The following PRKACB variants were observed in gnomAD, a reference collection of about 807,000 sequenced individuals.
The protein encoded by PRKACB is cAMP-dependent protein kinase catalytic subunit beta.
A neutral mutation model predicts 51.4 loss-of-function variants in PRKACB; 16 were observed. That is an observed-to-expected ratio of 0.31 (90% confidence interval 0.21 to 0.47). The LOEUF (loss-of-function observed/expected upper bound fraction) is 0.47. Ranked by LOEUF, PRKACB falls within the 20% of genes least tolerant of loss-of-function variation. The pLI is 1.00. For synonymous variants in PRKACB, 147 were observed against 154.4 expected (o/e 0.95, Z 0.35); for missense variants, 309 against 464.5 (o/e 0.67, Z 3.08).
At chr1:84,214,917 A>G (rs1672678435) in intron 9 of PRKACB, among the ~76,000 whole-genome samples, 1 of 152,238 alleles carries the variant, frequency 6.6e-6, no homozygotes, top group South Asian at 2.1e-4. Flanking sequence ...TATATATTAG[A>G]CAATGTCCTA....
chr1:84,216,639 A>G (rs1672926035), intron 9 of PRKACB, among the ~76,000 whole-genome samples: 1 of 152,240 alleles, frequency 6.6e-6, no homozygotes, highest in African/African-American at 2.4e-5. Flanking sequence ...GCAATACTGT[A>G]TAATTAATAA....
chr1:84,172,637 A>AAT (rs778923374), intron 1 of PRKACB, among the ~76,000 whole-genome samples: 6 of 151,722 alleles, frequency 4.0e-5, no homozygotes, highest in Non-Finnish European at 5.9e-5. Context: ...TGATTATTTA[A>AAT]ATATATGTCT....
At chr1:84,086,077 G>C (rs899902258) in intron 1 of PRKACB, 2 of 1,233,020 alleles carry the variant, frequency 1.6e-6, no homozygotes, top group East Asian at 4.7e-5. Flanking sequence ...TGATGGCCAA[G>C]GTGTATATTG....
At chr1:84,165,293 A>G (rs1389930829) in intron 1 of PRKACB, among the ~76,000 whole-genome samples, 1 of 151,950 alleles carries the variant, frequency 6.6e-6, no homozygotes, top group East Asian at 1.9e-4. Context: ...TAATTGTGTT[A>G]TAAATTAGTA....
intron 5 of PRKACB, among the ~76,000 whole-genome samples, chr1:84,195,434 C>T (rs948058187): frequency 1.7e-4 from 26 of 152,236 alleles, no homozygotes; most frequent in African/African-American, 6.3e-4. Flanking sequence ...GAGGGAAATC[C>T]TATTCATAGT....
At chr1:84,089,380 A>G (rs946258549) in intron 1 of PRKACB, among the ~76,000 whole-genome samples, 6 of 152,108 alleles carry the variant, frequency 3.9e-5, no homozygotes, top group African/African-American at 1.2e-4. Context: ...ATTATATCAC[A>G]GTTGGTATGG....
intron 2 of PRKACB, among the ~76,000 whole-genome samples, chr1:84,181,036 A>G (rs904673548): frequency 6.6e-6 from 1 of 152,078 alleles, no homozygotes; most frequent in Non-Finnish European, 1.5e-5. Context: ...AAAAAATCTT[A>G]TGACTACTTA....
At chr1:84,101,149 G>T (rs1163310631) in intron 1 of PRKACB, among the ~76,000 whole-genome samples, 1 of 152,154 alleles carries the variant, frequency 6.6e-6, no homozygotes, top group African/African-American at 2.4e-5. Context: ...GTGGTGGCTG[G>T]CTAGGTAAGT....
At chr1:84,151,417 G>C (rs1654848536) in intron 1 of PRKACB, among the ~76,000 whole-genome samples, 2 of 152,148 alleles carry the variant, frequency 1.3e-5, no homozygotes, top group Non-Finnish European at 2.9e-5. Context: ...GCTGAAGGTT[G>C]GGATGGCAGT....
chr1:84,185,833 G>A (rs1664925538), intron 5 of PRKACB, among the ~76,000 whole-genome samples: 1 of 151,968 alleles, frequency 6.6e-6, no homozygotes, highest in Non-Finnish European at 1.5e-5. Context: ...ATAAAAAACA[G>A]GTACAGCTTC....
chr1:84,117,241 A>G (rs1650707115), intron 1 of PRKACB, among the ~76,000 whole-genome samples: 1 of 152,030 alleles, frequency 6.6e-6, no homozygotes, highest in African/African-American at 2.4e-5. Flanking sequence ...GTGTCTGTTC[A>G]GCAGGGATGT....
chr1:84,214,040 A>G, intron 8 of PRKACB, 113 bp from the exon 9 acceptor site: 1 of 1,108,308 alleles, frequency 9.0e-7, no homozygotes, highest in Non-Finnish European at 1.2e-6. Context: ...TCATCGCTCC[A>G]TATTTTTGTT....
chr1:84,106,814 A>G (rs1434510279), intron 1 of PRKACB, among the ~76,000 whole-genome samples: 1 of 152,242 alleles, frequency 6.6e-6, no homozygotes, highest in African/African-American at 2.4e-5. Context: ...CTAAGCAAAA[A>G]GAACAAAGCT....
chr1:84,103,236 T>G (rs1383173877), intron 1 of PRKACB, among the ~76,000 whole-genome samples: 1 of 152,174 alleles, frequency 6.6e-6, no homozygotes, highest in Non-Finnish European at 1.5e-5. Flanking sequence ...TTCATTCCAC[T>G]GAATCTGGGC....
rs2100600271 is a variant in PRKACB at position 84,144,616 on chromosome 1, A to G, written c.187+68A>G. The G allele has an allele frequency of 4.9e-6, 7 of 1,424,332 alleles. No homozygotes were observed. The East Asian group carries it at 1.8e-4, about 37-fold the overall frequency. The allele number at this position is 1,424,332 out of a possible 1,614,324, so 88.2% of individuals were successfully genotyped here. A position where few individuals can be genotyped will look rare whatever the true frequency, so the allele number is the denominator to read the frequency against. On this transcript the variant is annotated intron_variant, in intron 1 of 9. Coordinates refer to ENST00000370685, the MANE Select transcript of PRKACB (RefSeq NM_182948.4). ...AAATGGTAATTGGAGTTTTACAATC[A>G]AACATAAAGAACCCTCTTTTGTTTG... is the stretch of plus-strand genomic sequence containing the variant.
At chr1:84,088,055 C>G (rs1320319732) in intron 1 of PRKACB, among the ~76,000 whole-genome samples, 1 of 152,070 alleles carries the variant, frequency 6.6e-6, no homozygotes, top group Non-Finnish European at 1.5e-5. Context: ...TTCAGTAATG[C>G]TATGTATCTA....
rs372518412 is a variant in PRKACB at position 84,155,885 on chromosome 1, C to T, written c.187+11337C>T. ...AGCAAGAATTCCAAGGAGGTCTTTTCTTAGAGTCTTCGTTCAGCTGCTTCA... is the reference window on the plus strand; with the variant it reads ...AGCAAGAATTCCAAGGAGGTCTTTTTTTAGAGTCTTCGTTCAGCTGCTTCA... On this transcript the variant is annotated intron_variant, in intron 1 of 9. Coordinates refer to ENST00000370685, the MANE Select transcript of PRKACB (RefSeq NM_182948.4). Among the ~76,000 whole-genome samples, 185 of 152,250 alleles carry T rather than the reference C, an allele frequency of 1.2e-3. 2 individuals carry two copies. The highest frequency in any genetic ancestry group is 4.3e-3 in the African/African-American group (179 of 41,552).
chr1:84,184,543 T>G (rs1664525604), intron 4 of PRKACB, among the ~76,000 whole-genome samples: 1 of 151,890 alleles, frequency 6.6e-6, no homozygotes, highest in South Asian at 2.1e-4. Flanking sequence ...CAAAGCAAAA[T>G]TTTTGTTCCA....
intron 3 of PRKACB, among the ~76,000 whole-genome samples, chr1:84,182,918 C>A (rs1383838373): frequency 6.6e-6 from 1 of 151,990 alleles, no homozygotes; most frequent in Non-Finnish European, 1.5e-5. Flanking sequence ...AGTGATCCAA[C>A]CACTTCATGT....
Sources: gnomAD v4.1 joint callset for allele counts (sites outside exome capture counted in the v4.1 genomes callset) on GRCh38, gnomAD v4.1.1 for gene constraint, MANE v1.5 for transcripts, NCBI Gene and HGNC (gene_info 2026-07-23, HGNC 2026-07-21) for gene names.